The following NCR1 variants were observed in gnomAD, a reference collection of about 807,000 sequenced individuals.
NCR1 encodes the protein NK cell-activating receptor.
In NCR1, 30 loss-of-function variants were observed where a neutral mutation model predicts 32.5. The ratio of observed to expected loss-of-function variants is 0.92; its 90% CI spans 0.69 to 1.25. The LOEUF is 1.25. NCR1 is among the 50% of genes most tolerant of loss of function. The pLI is 0.00. For synonymous variants in NCR1, 169 were observed against 143.4 expected (o/e 1.18, Z -1.28); for missense variants, 369 against 380.7 (o/e 0.97, Z 0.26).
downstream of NCR1, among the ~76,000 whole-genome samples, chr19:54,919,716 C>CG (rs1047918907): frequency 1.7e-4 from 22 of 130,852 alleles, 1 homozygote; most frequent in African/African-American, 6.1e-4. Flanking sequence ...AAAGGGAGAC[C>CG]CCCCCCCCCA....
chr19:54,902,496 G>A (rs4806614), upstream of NCR1, among the ~76,000 whole-genome samples: 8,518 of 151,676 alleles, frequency 0.056, 303 homozygotes, highest in Middle Eastern at 0.12. Context: ...CCCCAGGCTC[G>A]TCTCAAGCAA....
chr19:54,934,076 T>C, the NCR1 span, among the ~76,000 whole-genome samples: 1 of 152,290 alleles, frequency 6.6e-6, no homozygotes, highest in African/African-American at 2.4e-5. This position sits in a 1 kb window ranked among gnomAD's most constrained non-coding sequence, Gnocchi z 6.7. Flanking sequence ...CCTGAGTAGC[T>C]GGGACTACAG....
chr19:54,909,477 C>T lies in NCR1; in HGVS notation c.588C>T (p.Asn196=), dbSNP rs1262811753. The T allele has an allele frequency of 6.2e-7, 1 of 1,610,452 alleles. No homozygotes were observed. Among genetic ancestry groups the T allele is most frequent in the Non-Finnish European group, 8.5e-7 (1 of 1,179,996 alleles). ...GTYRCFGSYN[N]HAWSFPSEPV... Reference sequence around the variant, plus strand: ...ACCGATGTTTTGGCTCCTATAACAACCATGCCTGGTCTTTCCCCAGTGAGC... The same window carrying T: ...ACCGATGTTTTGGCTCCTATAACAATCATGCCTGGTCTTTCCCCAGTGAGC... Residue 196 remains asparagine, a synonymous_variant, in exon 4 of 7, where the codon AAC becomes AAT. Coordinates refer to ENST00000291890, the MANE Select transcript of NCR1 (RefSeq NM_004829.7).
At position 54,909,944 on chromosome 19, in the gene NCR1, AAAAAAAAAAAAAG is replaced by A. The variant is rs1390059152; in HGVS notation, c.635-71_635-59del. ...AGCAAGACTCCATCTCAAAAAAAAA[AAAAAAAAAAAAAG>A]AATGGCAAGACCGGAGGAAACCAAA... On this transcript the variant is annotated intron_variant, in intron 4 of 6. Coordinates refer to ENST00000291890, the MANE Select transcript of NCR1 (RefSeq NM_004829.7). 1.2e-4 allele frequency: 162 copies of A among 1,338,020 alleles called. 1 individual carries two copies. The highest frequency in any genetic ancestry group is 1.5e-4 in the Non-Finnish European group (147 of 968,376). The allele number at this position is 1,338,020 out of a possible 1,614,324, so 82.9% of individuals were successfully genotyped here.
At chr19:54,929,501 T>C in the NCR1 span, among the ~76,000 whole-genome samples, 3 of 152,176 alleles carry the variant, frequency 2.0e-5, no homozygotes, top group African/African-American at 7.2e-5. Flanking sequence ...ATCCAAGAGA[T>C]GCAACTGACA....
the NCR1 span, among the ~76,000 whole-genome samples, chr19:54,928,889 G>A: frequency 6.6e-6 from 1 of 151,714 alleles, no homozygotes; most frequent in Non-Finnish European, 1.5e-5. Flanking sequence ...TGCAACCTCC[G>A]CCTCCTGGGT....
At chr19:54,933,636 C>T in the NCR1 span, 2 of 1,614,184 alleles carry the variant, frequency 1.2e-6, no homozygotes, top group South Asian at 1.1e-5. Context: ...CCTGTATCCC[C>T]AATGGGGTTC....
downstream of NCR1, among the ~76,000 whole-genome samples, chr19:54,916,428 C>T (rs964221880): frequency 2.0e-5 from 3 of 149,592 alleles, no homozygotes; most frequent in Non-Finnish European, 4.4e-5. Context: ...AAGCGATTCT[C>T]CTGCCTCAGC....
At chr19:54,903,546 A>G (rs909097061), upstream of NCR1, among the ~76,000 whole-genome samples, 12 of 133,820 alleles carry the variant, frequency 9.0e-5, 1 homozygote, top group African/African-American at 3.0e-4. Flanking sequence ...GCATGTATGC[A>G]TGTGTGTATA....
the NCR1 span, chr19:54,923,874 T>C: frequency 3.7e-6 from 6 of 1,613,096 alleles, no homozygotes; most frequent in Non-Finnish European, 4.2e-6. Context: ...GTCTTCAACC[T>C]GGAGGGATCA....
At chr19:54,926,916 T>TAA in the NCR1 span, among the ~76,000 whole-genome samples, 15 of 26,652 alleles carry the variant, frequency 5.6e-4, no homozygotes, top group Admixed American at 9.9e-4. Context: ...ACTCTGTCTT[T>TAA]AAAAAAAAAA....
chr19:54,937,796 C>CT, the NCR1 span, among the ~76,000 whole-genome samples: 1 of 148,780 alleles, frequency 6.7e-6, no homozygotes, highest in Non-Finnish European at 1.5e-5. Flanking sequence ...ACTCGGGAGG[C>CT]TGAGGCAGGA....
At chr19:54,904,125 CAAAAAA>C (rs374694825), upstream of NCR1, among the ~76,000 whole-genome samples, 10 of 102,848 alleles carry the variant, frequency 9.7e-5, no homozygotes, top group Admixed American at 2.1e-4. Context: ...GACTCTGTCT[CAAAAAA>C]AAAAAAAAAA....
the NCR1 span, among the ~76,000 whole-genome samples, chr19:54,899,819 G>C: frequency 6.6e-6 from 1 of 152,108 alleles, no homozygotes; most frequent in Non-Finnish European, 1.5e-5. Flanking sequence ...TAATCAGAGA[G>C]GTGTCCCCGC....
the NCR1 span, among the ~76,000 whole-genome samples, chr19:54,928,704 G>A: frequency 6.6e-6 from 1 of 152,144 alleles, no homozygotes; most frequent in Non-Finnish European, 1.5e-5. Context: ...AGGGAATCTT[G>A]TAAATAAAAT....
downstream of NCR1, among the ~76,000 whole-genome samples, chr19:54,917,311 C>G (rs1602079911): frequency 6.8e-6 from 1 of 146,840 alleles, no homozygotes; most frequent in Non-Finnish European, 1.5e-5. Context: ...TGTGACTCCT[C>G]AAAAAAAAAC....
At chr19:54,913,154 G>A (rs1047724347), downstream of NCR1, 4 of 235,896 alleles carry the variant, frequency 1.7e-5, no homozygotes, top group Non-Finnish European at 3.3e-5. Context: ...TCCATCCCTC[G>A]GGTTCAAGTG....
At chr19:54,920,023 G>A (rs1255688141), downstream of NCR1, among the ~76,000 whole-genome samples, 1 of 152,138 alleles carries the variant, frequency 6.6e-6, no homozygotes, top group African/African-American at 2.4e-5. Flanking sequence ...ATTGCTACCG[G>A]CTAATGATTA....
At chr19:54,936,211 C>G in the NCR1 span, 1 of 1,530,554 alleles carries the variant, frequency 6.5e-7, no homozygotes, top group Admixed American at 1.7e-5. Flanking sequence ...CCCAGCAACA[C>G]GGTGCAGTGG....
Sources: gnomAD v4.1 joint callset for allele counts (sites outside exome capture counted in the v4.1 genomes callset) on GRCh38, gnomAD v4.1.1 for gene constraint, Gnocchi (gnomAD v3.1) non-coding constraint, MANE v1.5 for transcripts, NCBI Gene and HGNC (gene_info 2026-07-23, HGNC 2026-07-21) for gene names.